Variants in MAP2K4 observed in about 807,000 individuals in gnomAD.
The protein encoded by MAP2K4 is dual specificity mitogen-activated protein kinase kinase 4.
A neutral mutation model predicts 48.5 loss-of-function variants in MAP2K4; 4 were observed. That is an observed-to-expected ratio of 0.08 (90% CI 0.04 to 0.19). The LOEUF (loss-of-function observed/expected upper bound fraction) is 0.19. Ranked by LOEUF, MAP2K4 falls within the 10% of genes least tolerant of loss-of-function variation. The pLI, the probability that MAP2K4 is intolerant of heterozygous loss-of-function variation, is 1.00. For synonymous variants in MAP2K4, 166 were observed against 173.1 expected, an observed-to-expected ratio of 0.96 and a Z score of 0.32; for missense variants, 258 against 493.3, an observed-to-expected ratio of 0.52 and a Z score of 4.52.
chr17:12,095,315 C>T, intron 3 of MAP2K4: 1 of 458,492 alleles, frequency 2.2e-6, no homozygotes, highest in African/African-American at 2.0e-5. Context: ...TTGCATAACT[C>T]CCAACATTAT....
At chr17:12,088,667 C>G (rs1597455180) in intron 3 of MAP2K4, among the ~76,000 whole-genome samples, 1 of 143,754 alleles carries the variant, frequency 7.0e-6, no homozygotes, top group East Asian at 2.0e-4. Flanking sequence ...AATGCTGAAC[C>G]TTTGCTATAT....
intron 2 of MAP2K4, among the ~76,000 whole-genome samples, chr17:12,073,770 ATTT>A (rs200587573): frequency 2.8e-4 from 38 of 137,708 alleles, no homozygotes; most frequent in Middle Eastern, 4.0e-3. Context: ...CTCGTTGTAG[ATTT>A]TTTTTTTTTT....
In MAP2K4 at chr17:12,127,808, G is replaced by A. The variant is rs548616991; in HGVS notation, c.892-1331G>A. Among the ~76,000 whole-genome samples the A allele has an allele frequency of 5.3e-5, 8 of 152,306 alleles. No homozygotes were observed. In the South Asian group the frequency reaches 1.7e-3, roughly 32 times the overall value. On this transcript the variant is annotated intron_variant, in intron 8 of 10. Coordinates refer to ENST00000353533, the MANE Select transcript of MAP2K4 (RefSeq NM_003010.4). ...TTCAGCTAACGGAATACATTTTTCT[G>A]TGTGTGTATGCATGCATGCCTGCTT...
intron 2 of MAP2K4, among the ~76,000 whole-genome samples, chr17:12,062,022 G>C (rs1970464174): frequency 6.6e-6 from 1 of 151,260 alleles, no homozygotes; most frequent in Admixed American, 6.6e-5. Flanking sequence ...TCTCAACATA[G>C]TTAAATACAT....
chr17:12,105,165 TCTA>T (rs1176020613), intron 4 of MAP2K4, among the ~76,000 whole-genome samples: 4 of 152,158 alleles, frequency 2.6e-5, no homozygotes, highest in African/African-American at 9.6e-5. Context: ...TATTCTTGGC[TCTA>T]CTTTAATATA....
intron 1 of MAP2K4, among the ~76,000 whole-genome samples, chr17:12,028,636 C>T (rs567098475): frequency 3.3e-5 from 5 of 152,240 alleles, no homozygotes; most frequent in South Asian, 4.1e-4. Context: ...CTTTGTAGCA[C>T]GGTCTTATGG....
chr17:12,064,588 G>T (rs568665482), intron 2 of MAP2K4, among the ~76,000 whole-genome samples: 1 of 152,284 alleles, frequency 6.6e-6, no homozygotes, highest in South Asian at 2.1e-4. Context: ...GCAAATATGT[G>T]GTGTAAGCAG....
chr17:12,078,305 G>A (rs1971077884), intron 2 of MAP2K4, among the ~76,000 whole-genome samples: 1 of 152,128 alleles, frequency 6.6e-6, no homozygotes, highest in Non-Finnish European at 1.5e-5. Flanking sequence ...GTTCATTGGA[G>A]GCAGGTAAGG....
chr17:12,129,429 A>T (rs1468941791), intron 9 of MAP2K4, 142 bp downstream of exon 9: 1 of 916,456 alleles, frequency 1.1e-6, no homozygotes, highest in East Asian at 2.4e-5. Flanking sequence ...ACTCTGGATC[A>T]CTGTGGCTGT....
At chr17:12,023,002 C>T (rs1355617850) in intron 1 of MAP2K4, among the ~76,000 whole-genome samples, 1 of 152,178 alleles carries the variant, frequency 6.6e-6, no homozygotes, top group Non-Finnish European at 1.5e-5. Context: ...GTCCGTTCTC[C>T]TCAGCCCTTG....
At chr17:12,127,486 CAG>C (rs1220260899) in intron 8 of MAP2K4, among the ~76,000 whole-genome samples, 5 of 152,176 alleles carry the variant, frequency 3.3e-5, no homozygotes, top group African/African-American at 1.2e-4. Flanking sequence ...AAGGTTTTAA[CAG>C]AAAATTTTTT....
At chr17:12,119,083 G>A (rs1486558065) in intron 7 of MAP2K4, among the ~76,000 whole-genome samples, 2 of 152,182 alleles carry the variant, frequency 1.3e-5, no homozygotes, top group African/African-American at 4.8e-5. Flanking sequence ...TAGCTGAAAT[G>A]GTTCTGAATC....
At chr17:12,066,528 T>TC (rs1970620811) in intron 2 of MAP2K4, among the ~76,000 whole-genome samples, 1 of 151,824 alleles carries the variant, frequency 6.6e-6, no homozygotes, top group Non-Finnish European at 1.5e-5. Flanking sequence ...CTCCTCCTCC[T>TC]CTTCTTCTTC....
intron 1 of MAP2K4, among the ~76,000 whole-genome samples, chr17:12,038,332 C>T (rs1969665121): frequency 6.6e-6 from 1 of 152,000 alleles, no homozygotes; most frequent in South Asian, 2.1e-4. Context: ...ATAAGATGCA[C>T]TAAGAAAAAG....
At chr17:12,093,009 G>C (rs1971613732) in intron 3 of MAP2K4, among the ~76,000 whole-genome samples, 1 of 152,066 alleles carries the variant, frequency 6.6e-6, no homozygotes, top group South Asian at 2.1e-4. Flanking sequence ...CTGGGCGAAA[G>C]AGCAAGACTC....
At chr17:12,134,150 A>G (rs529535825) in intron 9 of MAP2K4, among the ~76,000 whole-genome samples, 6 of 151,960 alleles carry the variant, frequency 3.9e-5, no homozygotes, top group African/African-American at 7.2e-5. Flanking sequence ...TGATACTGCA[A>G]TGATGGCTCT....
intron 1 of MAP2K4, among the ~76,000 whole-genome samples, chr17:12,028,792 C>T (rs1351262475): frequency 6.6e-6 from 1 of 152,138 alleles, no homozygotes; most frequent in Non-Finnish European, 1.5e-5. Context: ...CACTTATGTC[C>T]GGCCCCACAC....
chr17:12,079,728 A>G (rs1387642144), intron 2 of MAP2K4, among the ~76,000 whole-genome samples: 1 of 152,242 alleles, frequency 6.6e-6, no homozygotes, highest in African/African-American at 2.4e-5. Context: ...GCCAAAGATT[A>G]TAGAACAATA....
chr17:12,121,532 G>T (rs569709894), intron 7 of MAP2K4, among the ~76,000 whole-genome samples: 2 of 138,208 alleles, frequency 1.4e-5, no homozygotes, highest in South Asian at 2.4e-4. Context: ...CCGAGATCGC[G>T]CCACTGCACT....
Sources: allele counts gnomAD v4.1 joint callset (sites outside exome capture counted in the v4.1 genomes callset), GRCh38; gene constraint gnomAD v4.1.1; transcripts MANE v1.5; gene names NCBI Gene and HGNC (gene_info 2026-07-23, HGNC 2026-07-21).